AFAP1L1: variants seen among roughly 807,000 people sequenced by gnomAD.
The protein encoded by AFAP1L1 is actin filament associated protein 1 like 1.
Under a neutral mutation model 99.8 loss-of-function variants are expected in AFAP1L1, and 77 were observed. That is an observed-to-expected ratio of 0.77 (90% CI 0.64 to 0.93). The LOEUF is 0.93. Ranked by LOEUF, AFAP1L1 falls within the 40% of genes least tolerant of loss-of-function variation. AFAP1L1 has a pLI of 0.00. For missense variants in AFAP1L1, 893 were observed against 996.8 expected, an observed-to-expected ratio of 0.90 and a Z score of 1.40; for synonymous variants, 373 against 395.3, an observed-to-expected ratio of 0.94 and a Z score of 0.67.
chr5:149,307,541 C>A lies in AFAP1L1; in HGVS notation c.675C>A (p.Ala225=). ...MHLVRECRIC[A]FLLRKKRFGQ... ...TGGTGAGGGAATGCAGGATATGTGC[C>A]TTCCTGCTGCGGAAAAAGCGTTTCG... The change falls in exon 7 of 19, where the codon GCC becomes GCA. Residue 225 remains alanine (A), a synonymous_variant. Coordinates refer to ENST00000296721, the MANE Select transcript of AFAP1L1 (RefSeq NM_152406.4). 6.2e-7 allele frequency: 1 copy of A among 1,614,038 alleles called. No individual in the cohort carries two copies. The highest frequency in any genetic ancestry group is 2.2e-5 in the East Asian group (1 of 44,854).
intron 1 of AFAP1L1, among the ~76,000 whole-genome samples, chr5:149,279,751 C>T (rs1755455533): frequency 6.6e-6 from 1 of 152,220 alleles, no homozygotes; most frequent in South Asian, 2.1e-4. Context: ...TTGCCCTGGG[C>T]TCTTCTCACA....
At chr5:149,329,969 C>G in intron 16 of AFAP1L1, 139 bp downstream of exon 16, 1 of 641,950 alleles carries the variant, frequency 1.6e-6, no homozygotes, top group South Asian at 3.3e-5. Flanking sequence ...CCTTCTCCTC[C>G]TCCTCCTCTT....
intron 11 of AFAP1L1, among the ~76,000 whole-genome samples, chr5:149,316,909 AATCCCAGCACTTTG>A (rs1756813833): frequency 6.6e-6 from 1 of 152,224 alleles, no homozygotes; most frequent in African/African-American, 2.4e-5. Context: ...TCACCTCTGT[AATCCCAGCACTTTG>A]GGAGGCTGAG....
chr5:149,277,805 T>C (rs1755385151), intron 1 of AFAP1L1, among the ~76,000 whole-genome samples: 1 of 152,144 alleles, frequency 6.6e-6, no homozygotes, highest in Non-Finnish European at 1.5e-5. Context: ...GAGTAATACA[T>C]GTAGTCTAGC....
chr5:149,338,125 C>T (rs976745720), intron 18 of AFAP1L1, among the ~76,000 whole-genome samples: 2 of 152,194 alleles, frequency 1.3e-5, no homozygotes, highest in African/African-American at 4.8e-5. Context: ...CTGTGGGAAT[C>T]GGCAACATTT....
chr5:149,291,241 C>G (rs1016626585), intron 1 of AFAP1L1, among the ~76,000 whole-genome samples: 5 of 152,022 alleles, frequency 3.3e-5, no homozygotes, highest in African/African-American at 4.8e-5. Flanking sequence ...GGAGGTGTCT[C>G]TGGAAAAGCC....
At chr5:149,303,052 G>T (rs1057138165) in intron 5 of AFAP1L1, among the ~76,000 whole-genome samples, 5 of 152,074 alleles carry the variant, frequency 3.3e-5, no homozygotes, top group African/African-American at 1.2e-4. Context: ...GTACCCAGGG[G>T]TTCATAACAT....
At chr5:149,285,727 C>G (rs1413156979) in intron 1 of AFAP1L1, among the ~76,000 whole-genome samples, 2 of 152,192 alleles carry the variant, frequency 1.3e-5, no homozygotes, top group Non-Finnish European at 2.9e-5. Flanking sequence ...GGTCTTGGAA[C>G]TGTCACTCCT....
rs980881896 is a variant in AFAP1L1 at position 149,299,785 on chromosome 5, C to T, written c.145+148C>T. 105 of 1,288,604 alleles carry T rather than the reference C, an allele frequency of 8.1e-5. 1 individual carries two copies. The Middle Eastern group carries it at 1.2e-3, about 14-fold the overall frequency. 79.8% of individuals were successfully genotyped at this position (1,288,604 alleles called of 1,614,324 possible). On this transcript the variant is annotated intron_variant, in intron 2 of 18. Coordinates refer to ENST00000296721, the MANE Select transcript of AFAP1L1 (RefSeq NM_152406.4). ...GAGGAAGGCTAAGCCCTGGACACAGCGTCCAATGCATTCCATGCGAGCTCT... is the reference window on the plus strand; with the variant it reads ...GAGGAAGGCTAAGCCCTGGACACAGTGTCCAATGCATTCCATGCGAGCTCT...
At chr5:149,314,169 A>G (rs1432818741) in intron 9 of AFAP1L1, among the ~76,000 whole-genome samples, 1 of 152,224 alleles carries the variant, frequency 6.6e-6, no homozygotes, top group Non-Finnish European at 1.5e-5. Flanking sequence ...GGAGTGGAAG[A>G]TGGGTACTCA....
chr5:149,323,311 T>C (rs1757006646), intron 15 of AFAP1L1, among the ~76,000 whole-genome samples: 1 of 152,226 alleles, frequency 6.6e-6, no homozygotes, highest in African/African-American at 2.4e-5. Context: ...TGTCCCACCC[T>C]AGCTCTGCCT....
Position 149,307,532 on chromosome 5 carries a change from G to C in AFAP1L1, c.666G>C (p.Arg222Ser), listed in dbSNP as rs1223889200. The C allele has an allele frequency of 6.2e-7, 1 of 1,614,138 alleles. No individual in the cohort carries two copies. Among genetic ancestry groups the C allele is most frequent in the East Asian group, 2.2e-5 (1 of 44,858 alleles). The change falls in exon 7 of 19, where the codon AGG (arginine) becomes AGC (serine). Residue 222 changes from arginine (R) to serine (S), a missense_variant. Coordinates refer to ENST00000296721, the MANE Select transcript of AFAP1L1 (RefSeq NM_152406.4). ...EASMHLVREC[R>S]ICAFLLRKKR... ...CCATGCACCTGGTGAGGGAATGCAG[G>C]ATATGTGCCTTCCTGCTGCGGAAAA...
In AFAP1L1 at chr5:149,312,137, T is replaced by C. The variant is rs575334807; in HGVS notation, c.953T>C (p.Val318Ala). Reference protein sequence around the residue: ...LKVIREVSKPVGGAEGVEVPR... With the variant: ...LKVIREVSKPAGGAEGVEVPR... ...GTCATCCGAGAAGTGAGCAAGCCAG[T>C]TGGGGGAGCTGAGGGAGTGGAGGTC... Residue 318 changes from valine (V) to alanine (A), a missense_variant, in exon 9 of 19, where the codon GTT becomes GCT. Coordinates refer to ENST00000296721, the MANE Select transcript of AFAP1L1 (RefSeq NM_152406.4). 1.9e-6 allele frequency: 3 copies of C among 1,613,854 alleles called. No homozygotes were observed. Among genetic ancestry groups the C allele is most frequent in the Non-Finnish European group, 2.5e-6 (3 of 1,180,014 alleles).
At chr5:149,305,877 ACCAC>A in intron 5 of AFAP1L1, among the ~76,000 whole-genome samples, 1 of 80,018 alleles carries the variant, frequency 1.2e-5, no homozygotes, top group Admixed American at 1.6e-4. Flanking sequence ...CGACCAACAC[ACCAC>A]ACACACACAC....
In AFAP1L1 at chr5:149,271,925, CCCCTGCG is replaced by C; in HGVS notation, c.-36_-30del. On this transcript the variant is annotated 5_prime_UTR_variant, in exon 1 of 19. Transcript: ENST00000296721. ...CCGGCCGCTACCAGCCGCGCCGGAG[CCCCTGCG>C]CCCTGCGGCCCGCTCCCCGGGGACC... is the stretch of plus-strand genomic sequence containing the variant. 8.2e-7 allele frequency: 1 copy of C among 1,219,670 alleles called. No individual in the cohort carries two copies. Among genetic ancestry groups the C allele is most frequent in the Non-Finnish European group, 1.0e-6 (1 of 979,522 alleles). The allele number at this position is 1,219,670 out of a possible 1,614,324, so 75.6% of individuals were successfully genotyped here.
In AFAP1L1 at chr5:149,335,673, G is replaced by GCCCAT; in HGVS notation, c.2237_2241dup (p.Ile748HisfsTer4). The GCCCAT allele has an allele frequency of 6.2e-7, 1 of 1,613,816 alleles. No homozygotes were observed. The highest frequency in any genetic ancestry group is 8.5e-7 in the Non-Finnish European group (1 of 1,180,016). ...TGTGTTTCTGAGCTGAGGAAGAGGA[G>GCCCAT]CCCATCCATCGTAGCCTCCAACCAA... On this transcript the variant is annotated frameshift_variant, in exon 18 of 19. Transcript: ENST00000296721. LOFTEE classifies it high-confidence loss of function.
chr5:149,324,933 C>T (rs1757053424), intron 15 of AFAP1L1, among the ~76,000 whole-genome samples: 1 of 152,162 alleles, frequency 6.6e-6, no homozygotes. Context: ...AGAAGTTACA[C>T]TCTGTCATTC....
intron 6 of AFAP1L1, 71 bp downstream of exon 6, chr5:149,306,475 C>A: frequency 7.2e-7 from 1 of 1,392,176 alleles, no homozygotes; most frequent in Non-Finnish European, 9.9e-7. Flanking sequence ...CTTGTCCTGG[C>A]CCTTAGCATG....
intron 17 of AFAP1L1, 24 bp from the exon 18 acceptor site, chr5:149,335,570 A>G (rs1486383987): frequency 2.5e-6 from 4 of 1,611,352 alleles, no homozygotes; most frequent in African/African-American, 2.7e-5. Context: ...TCTCACCTAT[A>G]TAATTATTTA....
Sources: gnomAD v4.1 joint callset for allele counts (sites outside exome capture counted in the v4.1 genomes callset) on GRCh38, gnomAD v4.1.1 for gene constraint, MANE v1.5 for transcripts, NCBI Gene and HGNC (gene_info 2026-07-23, HGNC 2026-07-21) for gene names.